HMGB1: variants seen among roughly 807,000 people sequenced by gnomAD.
HMGB1 encodes the protein high mobility group protein B1.
For missense variants in HMGB1, 79 were observed against 253.5 expected, an observed-to-expected ratio of 0.31 and a Z score of 4.67; for synonymous variants, 81 against 84.0, an observed-to-expected ratio of 0.96 and a Z score of 0.19.
At chr13:30,543,625 C>T (rs1869014142) in intron 1 of HMGB1, among the ~76,000 whole-genome samples, 1 of 152,118 alleles carries the variant, frequency 6.6e-6, no homozygotes. Context: ...AACCAAATCC[C>T]TTCAGGGCAG....
At position 30,586,990 on chromosome 13, in the gene HMGB1, C is replaced by A. The variant is rs557842989; in HGVS notation, c.-15+29681G>T. 3.9e-5 allele frequency among the ~76,000 whole-genome samples: 6 copies of A among 152,186 alleles called. 1 individual carries two copies. In the South Asian group the frequency reaches 1.0e-3, roughly 26 times the overall value. On this transcript the variant is annotated intron_variant, in intron 1 of 4. Transcript: ENST00000405805. ...CTATAAATTTATGAAGAATTCTTTT[C>A]TCACTAGTTATTATAATTAAAATGT...
intron 1 of HMGB1, among the ~76,000 whole-genome samples, chr13:30,496,846 A>G (rs7988478): frequency 0.035 from 5,271 of 152,166 alleles, 235 homozygotes; most frequent in African/African-American, 0.1. Flanking sequence ...CCACACAGAC[A>G]TTCCTTCCAT....
chr13:30,583,825 C>CA (rs781566280), intron 1 of HMGB1, among the ~76,000 whole-genome samples: 19,882 of 74,006 alleles, frequency 0.27, 2,408 homozygotes, highest in Middle Eastern at 0.38. Flanking sequence ...GACTCTGTCT[C>CA]AAAAAAAAAA....
chr13:30,566,135 G>A (rs1870173800), intron 1 of HMGB1, among the ~76,000 whole-genome samples: 1 of 152,126 alleles, frequency 6.6e-6, no homozygotes, highest in African/African-American at 2.4e-5. Flanking sequence ...AGGGAAGCTT[G>A]GCTGCTACTA....
intron 1 of HMGB1, among the ~76,000 whole-genome samples, chr13:30,532,875 C>T (rs559543059): frequency 5.4e-4 from 82 of 152,262 alleles, no homozygotes; most frequent in Non-Finnish European, 1.0e-3. Flanking sequence ...TGAATCTGTG[C>T]ACATGAGTAC....
At chr13:30,599,843 T>C (rs1470470494) in intron 1 of HMGB1, among the ~76,000 whole-genome samples, 1 of 152,104 alleles carries the variant, frequency 6.6e-6, no homozygotes, top group African/African-American at 2.4e-5. Flanking sequence ...ACCTATGAAT[T>C]GGGGGTGGGG....
chr13:30,608,057 T>C (rs1432809470), intron 1 of HMGB1, among the ~76,000 whole-genome samples: 1 of 152,146 alleles, frequency 6.6e-6, no homozygotes, highest in Non-Finnish European at 1.5e-5. Context: ...CTTCCGAGGT[T>C]AGGTTGTGAA....
At chr13:30,587,642 C>G (rs1159606202) in intron 1 of HMGB1, among the ~76,000 whole-genome samples, 2 of 152,162 alleles carry the variant, frequency 1.3e-5, no homozygotes, top group African/African-American at 4.8e-5. Flanking sequence ...TTTTATATCT[C>G]CTAATATAGT....
At chr13:30,574,052 G>A (rs1870545376) in intron 1 of HMGB1, among the ~76,000 whole-genome samples, 7 of 152,158 alleles carry the variant, frequency 4.6e-5, no homozygotes, top group Admixed American at 4.6e-4. Context: ...ATGAATGGGT[G>A]GAAGGGGAAA....
intron 1 of HMGB1, among the ~76,000 whole-genome samples, chr13:30,596,656 T>A (rs1337872004): frequency 3.3e-5 from 5 of 152,232 alleles, no homozygotes; most frequent in African/African-American, 7.2e-5. Context: ...AACTTTACTA[T>A]GCAAGTATGC....
rs1370522123 is a variant in HMGB1 at position 30,465,847 on chromosome 13, G to A, written c.-66C>T. On this transcript the variant is annotated 5_prime_UTR_variant, in exon 1 of 5. Coordinates refer to ENST00000341423, the MANE Select transcript of HMGB1 (RefSeq NM_002128.7). ...TGCCCGTCCGGCTCTCACTTGCCCC[G>A]GTGCTGTCTCTATGGAGCTCAATGT... is the stretch of plus-strand genomic sequence containing the variant. 5.1e-6 allele frequency: 5 copies of A among 985,378 alleles called. No homozygotes were observed. Among genetic ancestry groups the A allele is most frequent in the Admixed American group, 6.2e-5 (1 of 16,258 alleles). 61.0% of individuals were successfully genotyped at this position (985,378 alleles called of 1,614,324 possible). A position where few individuals can be genotyped will look rare whatever the true frequency, so the allele number is the denominator to read the frequency against.
At chr13:30,561,048 C>T (rs1456753294) in intron 1 of HMGB1, among the ~76,000 whole-genome samples, 2 of 151,654 alleles carry the variant, frequency 1.3e-5, no homozygotes, top group Non-Finnish European at 2.9e-5. Flanking sequence ...GGAAGCACCA[C>T]GGTGGGAGCC....
chr13:30,606,908 G>A (rs1950464000), intron 1 of HMGB1, among the ~76,000 whole-genome samples: 1 of 152,176 alleles, frequency 6.6e-6, no homozygotes, highest in Non-Finnish European at 1.5e-5. Context: ...AATGAATTCT[G>A]CACTCCTGAA....
chr13:30,577,636 G>T (rs932340419), intron 1 of HMGB1, among the ~76,000 whole-genome samples: 1 of 152,144 alleles, frequency 6.6e-6, no homozygotes, highest in African/African-American at 2.4e-5. Context: ...TGCGGATTAA[G>T]TCCTCATTCT....
In HMGB1 at chr13:30,562,476, G is replaced by C. The variant is rs371792887; in HGVS notation, c.-15+54195C>G. On this transcript the variant is annotated intron_variant, in intron 1 of 4. Coordinates refer to the HMGB1 transcript ENST00000405805. ...AAAATTCCATGTAAATGACTATAAAGTACTCTTATATGAAAAGTATATGAA... is the reference window on the plus strand; with the variant it reads ...AAAATTCCATGTAAATGACTATAAACTACTCTTATATGAAAAGTATATGAA... 1.4e-4 allele frequency among the ~76,000 whole-genome samples: 21 copies of C among 151,894 alleles called. No homozygotes were observed. In the East Asian group the frequency reaches 3.9e-3, roughly 28 times the overall value.
upstream of HMGB1, among the ~76,000 whole-genome samples, chr13:30,468,170 A>G (rs1189009229): frequency 6.6e-6 from 1 of 152,226 alleles, no homozygotes; most frequent in Non-Finnish European, 1.5e-5. Context: ...AGAAAACCTC[A>G]AGTGCAGTTA....
intron 1 of HMGB1, among the ~76,000 whole-genome samples, chr13:30,479,182 CTTCT>C (rs1887170517): frequency 6.6e-6 from 1 of 152,150 alleles, no homozygotes. Flanking sequence ...ATTGATGTGT[CTTCT>C]CTAATAGCTA....
At chr13:30,504,397 A>G (rs1887804970) in intron 1 of HMGB1, among the ~76,000 whole-genome samples, 1 of 152,208 alleles carries the variant, frequency 6.6e-6, no homozygotes, top group Non-Finnish European at 1.5e-5. Context: ...TAATATTGCT[A>G]AGCATATTTT....
intron 1 of HMGB1, among the ~76,000 whole-genome samples, chr13:30,538,536 C>CCTTT (rs1268337801): frequency 4.3e-4 from 45 of 105,310 alleles, no homozygotes; most frequent in South Asian, 1.4e-3. Context: ...TTCTTTCTTT[C>CCTTT]CTTTCTTTCT....
Sources: gnomAD v4.1 joint callset for allele counts (sites outside exome capture counted in the v4.1 genomes callset) on GRCh38, gnomAD v4.1.1 for gene constraint, MANE v1.5 for transcripts, NCBI Gene and HGNC (gene_info 2026-07-23, HGNC 2026-07-21) for gene names.